Variants in COL28A1 observed in about 807,000 individuals in gnomAD.
COL28A1 encodes collagen alpha-1(XXVIII) chain.
In COL28A1, 161 loss-of-function variants were observed where a neutral mutation model predicts 150.2. That is an observed-to-expected ratio of 1.07 (90% CI 0.94 to 1.22). The LOEUF (loss-of-function observed/expected upper bound fraction) is 1.22, where lower values mean the gene tolerates loss of function less well. COL28A1 is among the 50% of genes most tolerant of loss of function. The pLI, the probability that COL28A1 is intolerant of heterozygous loss-of-function variation, is 0.00. For missense variants in COL28A1, 1,617 were observed against 1,388.3 expected, an observed-to-expected ratio of 1.16 and a Z score of -2.62; for synonymous variants, 552 against 469.7, an observed-to-expected ratio of 1.18 and a Z score of -2.26.
intron 27 of COL28A1, among the ~76,000 whole-genome samples, chr7:7,412,442 T>C (rs1270183081): frequency 6.6e-6 from 1 of 152,158 alleles, no homozygotes; most frequent in Non-Finnish European, 1.5e-5. Context: ...ATGTAACCAA[T>C]ATATTATGCT....
At position 7,440,817 on chromosome 7, in the gene COL28A1, CCT is replaced by C; in HGVS notation, c.1693_1694del (p.Arg565GlyfsTer11). On this transcript the variant is annotated frameshift_variant, in exon 21 of 35. Coordinates refer to ENST00000399429, the MANE Select transcript of COL28A1 (RefSeq NM_001037763.3). LOFTEE classifies it high-confidence loss of function. The part of the protein sequence containing the change: ...KKGSKGNQGQ[R>X]GLPGPEGPKG... ...TTGGTCCTTCGGGCCCTGGAAGTCC[CCT>C]CTGTCCTTGATTTCCTTTGCTCCCT... 1.3e-6 allele frequency: 2 copies of C among 1,534,220 alleles called. No individual in the cohort carries two copies. Among genetic ancestry groups the C allele is most frequent in the South Asian group, 1.1e-5 (1 of 88,642 alleles).
At chr7:7,341,135 G>A in the COL28A1 span, among the ~76,000 whole-genome samples, 7 of 152,098 alleles carry the variant, frequency 4.6e-5, no homozygotes, top group Admixed American at 1.3e-4. Context: ...ACAAGCTTCA[G>A]ACCATTTCAA....
At chr7:7,496,922 A>T (rs955112684) in intron 11 of COL28A1, among the ~76,000 whole-genome samples, 1 of 152,132 alleles carries the variant, frequency 6.6e-6, no homozygotes, top group East Asian at 1.9e-4. Context: ...TAGGTGCAGA[A>T]TGGTTCAAGT....
downstream of COL28A1, among the ~76,000 whole-genome samples, chr7:7,355,647 C>A (rs1285536317): frequency 6.6e-6 from 1 of 152,000 alleles, no homozygotes; most frequent in African/African-American, 2.4e-5. Flanking sequence ...CATTTTATAC[C>A]TATACTAGCA....
intron 11 of COL28A1, among the ~76,000 whole-genome samples, chr7:7,501,114 A>T (rs1164433419): frequency 2.6e-5 from 4 of 152,210 alleles, no homozygotes; most frequent in Admixed American, 6.5e-5. Context: ...AATTGAACAT[A>T]AAGTAAGACC....
the COL28A1 span, among the ~76,000 whole-genome samples, chr7:7,542,425 T>C: frequency 6.6e-6 from 1 of 152,326 alleles, no homozygotes; most frequent in Non-Finnish European, 1.5e-5. Context: ...GTAAATACAA[T>C]TGTGAAATCT....
chr7:7,543,142 T>C, the COL28A1 span, among the ~76,000 whole-genome samples: 27 of 152,324 alleles, frequency 1.8e-4, no homozygotes, highest in East Asian at 4.4e-3. Flanking sequence ...AACTGATTCA[T>C]ACAGATTGCT....
At chr7:7,490,716 G>T in intron 11 of COL28A1, 70 bp from the exon 12 acceptor site, 1 of 752,262 alleles carries the variant, frequency 1.3e-6, no homozygotes, top group South Asian at 1.6e-5. Context: ...GCAGCTTTTA[G>T]ATGTATGGTT....
chr7:7,424,208 G>A (rs1784530829), intron 25 of COL28A1, among the ~76,000 whole-genome samples: 2 of 152,144 alleles, frequency 1.3e-5, no homozygotes, highest in Admixed American at 1.3e-4. Flanking sequence ...CAGTGTATAT[G>A]TACCATACTT....
At chr7:7,480,608 T>C (rs1340214194) in intron 13 of COL28A1, among the ~76,000 whole-genome samples, 1 of 152,032 alleles carries the variant, frequency 6.6e-6, no homozygotes, top group Non-Finnish European at 1.5e-5. Context: ...CCTAATAATA[T>C]GACAAATGAA....
chr7:7,431,517 G>A (rs918231117), intron 25 of COL28A1: 6 of 470,908 alleles, frequency 1.3e-5, no homozygotes, highest in African/African-American at 6.0e-5. Context: ...CCATCCTGGC[G>A]AGTCCCTGAT....
intron 20 of COL28A1, 47 bp from the exon 21 acceptor site, chr7:7,440,908 A>G (rs775533149): frequency 2.2e-6 from 2 of 902,396 alleles, no homozygotes; most frequent in Admixed American, 3.5e-5. Flanking sequence ...GGTATTAGCA[A>G]CCTCCCCTAA....
chr7:7,381,189 T>C (rs903985211), intron 28 of COL28A1, among the ~76,000 whole-genome samples: 3 of 152,134 alleles, frequency 2.0e-5, no homozygotes, highest in African/African-American at 7.2e-5. Flanking sequence ...TGGTATGTTG[T>C]AAGTATGTTG....
intron 4 of COL28A1, 58 bp downstream of exon 4, chr7:7,524,171 G>A: frequency 1.1e-6 from 1 of 904,098 alleles, no homozygotes; most frequent in Non-Finnish European, 1.9e-6. Context: ...TTATAATGCT[G>A]ATTTGATAAT....
chr7:7,444,646 C>G (rs1395925075), intron 18 of COL28A1, among the ~76,000 whole-genome samples, 157 bp from the exon 19 acceptor site: 1 of 152,020 alleles, frequency 6.6e-6, no homozygotes, highest in African/African-American at 2.4e-5. Flanking sequence ...TACTTAACAT[C>G]CCTAGGCCTT....
chr7:7,510,134 A>C (rs1781043658), intron 9 of COL28A1, among the ~76,000 whole-genome samples: 1 of 152,202 alleles, frequency 6.6e-6, no homozygotes, highest in Non-Finnish European at 1.5e-5. Flanking sequence ...AATAGTTCTT[A>C]ATATAATGAA....
At chr7:7,516,644 G>C (rs1781429619) in intron 7 of COL28A1, among the ~76,000 whole-genome samples, 1 of 152,178 alleles carries the variant, frequency 6.6e-6, no homozygotes, top group African/African-American at 2.4e-5. Flanking sequence ...AGAATTGTCA[G>C]ATTTATTGAG....
chr7:7,436,554 G>A lies in COL28A1; in HGVS notation c.1792-91C>T. On this transcript the variant is annotated intron_variant, in intron 22 of 34. Transcript: ENST00000399429. ...AAAAAACCATTGGCCACTCTGTAAA[G>A]AGCTTAATCTGTCCATCTCAGACCT... 2.5e-6 allele frequency: 2 copies of A among 800,594 alleles called. 1 individual carries two copies. The highest frequency in any genetic ancestry group is 3.4e-5 in the African/African-American group (2 of 58,416). 49.6% of individuals were successfully genotyped at this position (800,594 alleles called of 1,614,324 possible). A position where few individuals can be genotyped will look rare whatever the true frequency, so the allele number is the denominator to read the frequency against.
At chr7:7,517,046 C>T (rs185536571) in intron 7 of COL28A1, among the ~76,000 whole-genome samples, 32 of 152,212 alleles carry the variant, frequency 2.1e-4, no homozygotes, top group African/African-American at 7.5e-4. Context: ...TTTTTACATA[C>T]TTGTATGCTT....
Sources: allele counts gnomAD v4.1 joint callset (sites outside exome capture counted in the v4.1 genomes callset), GRCh38; gene constraint gnomAD v4.1.1; transcripts MANE v1.5; gene names NCBI Gene and HGNC (gene_info 2026-07-23, HGNC 2026-07-21).